UTRN: variants seen among roughly 807,000 people sequenced by gnomAD.
The protein encoded by UTRN is dystrophin-related protein 1.
UTRN carries 283 observed loss-of-function variants against 463.9 expected under a neutral mutation model. The ratio of observed to expected loss-of-function variants is 0.61; its 90% CI spans 0.55 to 0.67. The LOEUF (loss-of-function observed/expected upper bound fraction) is 0.67. Ranked by LOEUF, UTRN falls within the 30% of genes least tolerant of loss-of-function variation. UTRN has a pLI of 0.00. For missense variants in UTRN, 3,922 were observed against 4,084.3 expected, an observed-to-expected ratio of 0.96 and a Z score of 1.08; for synonymous variants, 1,442 against 1,431.5, an observed-to-expected ratio of 1.01 and a Z score of -0.17.
chr6:144,711,011 A>G (rs1031462949), intron 53 of UTRN, among the ~76,000 whole-genome samples: 1 of 152,164 alleles, frequency 6.6e-6, no homozygotes, highest in African/African-American at 2.4e-5. Context: ...TAGTGTTTTA[A>G]GGACTGTTTT....
At chr6:144,450,009 A>C (rs1251153279) in intron 17 of UTRN, among the ~76,000 whole-genome samples, 1 of 152,184 alleles carries the variant, frequency 6.6e-6, no homozygotes, top group Non-Finnish European at 1.5e-5. Flanking sequence ...GAAGGCCAGC[A>C]ATCAGTGATC....
At chr6:144,693,649 G>A (rs990316997) in intron 52 of UTRN, among the ~76,000 whole-genome samples, 2 of 152,002 alleles carry the variant, frequency 1.3e-5, no homozygotes, top group Non-Finnish European at 2.9e-5. Flanking sequence ...TTTTTTTGTG[G>A]CAGTTGTGAA....
intron 25 of UTRN, among the ~76,000 whole-genome samples, chr6:144,478,594 C>T (rs1026645280): frequency 8.5e-5 from 13 of 152,136 alleles, no homozygotes; most frequent in African/African-American, 2.7e-4. Context: ...ATTTTTATGC[C>T]GGAGATCCTG....
At chr6:144,697,544 T>C (rs1784145525) in intron 52 of UTRN, among the ~76,000 whole-genome samples, 1 of 152,164 alleles carries the variant, frequency 6.6e-6, no homozygotes, top group Admixed American at 6.5e-5. Context: ...TTTGAGCATA[T>C]GGTAGTAATC....
At chr6:144,549,903 C>T (rs573489928) in intron 47 of UTRN, among the ~76,000 whole-genome samples, 4 of 152,322 alleles carry the variant, frequency 2.6e-5, no homozygotes, top group Non-Finnish European at 5.9e-5. Flanking sequence ...GATTTTTAGT[C>T]TGTAAGCAAT....
chr6:144,445,558 T>G (rs1000557799), intron 14 of UTRN, among the ~76,000 whole-genome samples: 2 of 146,682 alleles, frequency 1.4e-5, no homozygotes, highest in Non-Finnish European at 1.5e-5. Flanking sequence ...TAATGACTAC[T>G]TCCCCCCCCG....
chr6:144,463,989 C>T (rs545158639), intron 23 of UTRN, among the ~76,000 whole-genome samples: 2 of 149,002 alleles, frequency 1.3e-5, no homozygotes, highest in South Asian at 4.2e-4. Context: ...TATGTAGATA[C>T]AATATATATA....
rs150645007 is a variant in UTRN at position 144,480,674 on chromosome 6, C to A, written c.3507+692C>A. Among the ~76,000 whole-genome samples, 526 of 152,220 alleles carry A rather than the reference C, an allele frequency of 3.5e-3. 5 individuals are homozygous for A. Among genetic ancestry groups the A allele is most frequent in the African/African-American group, 0.012 (498 of 41,534 alleles). The stretch of plus-strand genomic sequence containing the variant: ...TATAATAAAAGAACTGGGCATCATT[C>A]CCAAATTTCTAACACAGCTTCAACT... On this transcript the variant is annotated intron_variant, in intron 26 of 74. Transcript: ENST00000367545.
At chr6:144,751,676 G>GA in intron 55 of UTRN, 130 bp from the exon 56 acceptor site, 1 of 811,056 alleles carries the variant, frequency 1.2e-6, no homozygotes, top group Non-Finnish European at 1.7e-6. Context: ...ATGGACCCAG[G>GA]AAGTTTGGTT....
At chr6:144,814,679 G>A (rs76245633) in intron 65 of UTRN, among the ~76,000 whole-genome samples, 1 of 152,156 alleles carries the variant, frequency 6.6e-6, no homozygotes, top group Non-Finnish European at 1.5e-5. Context: ...ATGAATGGGA[G>A]GAAAATGGAA....
intron 65 of UTRN, among the ~76,000 whole-genome samples, chr6:144,804,659 G>A (rs1157630738): frequency 2.0e-5 from 3 of 151,310 alleles, no homozygotes; most frequent in African/African-American, 7.3e-5. Context: ...GTGTCTGTGA[G>A]CTGGCAATTG....
chr6:144,694,442 T>C (rs1208511759), intron 52 of UTRN, among the ~76,000 whole-genome samples: 2 of 152,124 alleles, frequency 1.3e-5, no homozygotes, highest in Non-Finnish European at 2.9e-5. Context: ...CTCAATTTTG[T>C]GGAACAGTTT....
At chr6:144,403,237 A>C (rs953585681) in intron 3 of UTRN, 53 bp downstream of exon 3, 1 of 1,549,342 alleles carries the variant, frequency 6.5e-7, no homozygotes. Context: ...TTCTGATTGA[A>C]GGAGTTTGGT....
At chr6:144,313,729 T>C (rs1775090478) in intron 2 of UTRN, among the ~76,000 whole-genome samples, 1 of 152,226 alleles carries the variant, frequency 6.6e-6, no homozygotes, top group Non-Finnish European at 1.5e-5. Flanking sequence ...GACCGTGCTT[T>C]AGGACTTGCA....
At chr6:144,318,158 C>T (rs1192755421) in intron 2 of UTRN, among the ~76,000 whole-genome samples, 2 of 152,100 alleles carry the variant, frequency 1.3e-5, no homozygotes, top group Non-Finnish European at 2.9e-5. Flanking sequence ...CTGTGGACTT[C>T]TCTGTAACTC....
intron 34 of UTRN, among the ~76,000 whole-genome samples, chr6:144,499,674 G>A (rs932466108): frequency 1.3e-5 from 2 of 152,048 alleles, no homozygotes; most frequent in African/African-American, 2.4e-5. Context: ...TGGATATATT[G>A]TGTAATGCTG....
At chr6:144,344,099 A>AAC (rs963833472) in intron 2 of UTRN, 1 of 1,163,828 alleles carries the variant, frequency 8.6e-7, no homozygotes, top group African/African-American at 1.6e-5. Flanking sequence ...CCAAAAAAAA[A>AAC]AAAAAAAAAA....
chr6:144,444,389 A>G lies in UTRN; in HGVS notation c.1614+7A>G, dbSNP rs775019277. 21 of 1,598,586 alleles carry G rather than the reference A, an allele frequency of 1.3e-5. No homozygotes were observed. In the South Asian group the frequency reaches 2.1e-4, roughly 16 times the overall value. On this transcript the variant is annotated splice_region_variant and intron_variant, in intron 14 of 74. Coordinates refer to ENST00000367545, the MANE Select transcript of UTRN (RefSeq NM_007124.3). The stretch of plus-strand genomic sequence containing the variant: ...GGAATTATTGGAAGAACAGGTATGA[A>G]ACTGTTTTCCATAAGGGGCAAAATA...
intron 51 of UTRN, among the ~76,000 whole-genome samples, chr6:144,629,129 A>G (rs913579030): frequency 1.4e-4 from 22 of 152,338 alleles, no homozygotes; most frequent in African/African-American, 5.1e-4. Context: ...GTGACATACA[A>G]ATCTTCATTG....
Sources: gnomAD v4.1 joint callset for allele counts (sites outside exome capture counted in the v4.1 genomes callset) on GRCh38, gnomAD v4.1.1 for gene constraint, MANE v1.5 for transcripts, NCBI Gene and HGNC (gene_info 2026-07-23, HGNC 2026-07-21) for gene names.